TUBA4A: variants seen among roughly 807,000 people sequenced by gnomAD.
TUBA4A encodes the protein tubulin alpha-4A chain.
Under a neutral mutation model 34.3 loss-of-function variants are expected in TUBA4A, and 23 were observed. The ratio of observed to expected loss-of-function variants is 0.67; its 90% CI spans 0.48 to 0.95. The LOEUF (loss-of-function observed/expected upper bound fraction) is 0.95. Ranked by LOEUF, TUBA4A falls within the 40% of genes least tolerant of loss-of-function variation. The pLI, the probability that TUBA4A is intolerant of heterozygous loss-of-function variation, is 0.00. For missense variants in TUBA4A, 279 were observed against 599.0 expected (o/e 0.47, Z 5.58); for synonymous variants, 216 against 230.5 (o/e 0.94, Z 0.57).
At chr2:219,253,773 C>T (rs1333183857) in intron 1 of TUBA4A, 83 bp downstream of exon 1, 1 of 1,490,360 alleles carries the variant, frequency 6.7e-7, no homozygotes, top group Non-Finnish European at 9.0e-7. Flanking sequence ...CGGTGGAGGT[C>T]CCCGAGCATG....
upstream of TUBA4A, chr2:219,254,532 C>T (rs1188660998): frequency 4.6e-5 from 7 of 152,322 alleles, no homozygotes; most frequent in East Asian, 5.8e-4. Context: ...AGTCGAGCCC[C>T]GCAGCCTGTC....
At position 219,250,400 on chromosome 2, in the gene TUBA4A, C is replaced by T. The variant is rs2125068898; in HGVS notation, c.1299G>A (p.Glu433=). 1.2e-6 allele frequency: 2 copies of T among 1,614,188 alleles called. No individual in the cohort carries two copies. The part of the protein sequence containing the change: ...EDMAALEKDY[E]EVGIDSYEDE... ...CCTCATAGGAGTCGATGCCCACCTC[C>T]TCATAATCCTTCTCCAGGGCAGCCA... The change falls in exon 4 of 4, where the codon GAG becomes GAA. Residue 433 remains glutamate, a synonymous_variant. Coordinates refer to ENST00000248437, the MANE Select transcript of TUBA4A (RefSeq NM_006000.3). The surrounding 1 kb of genome is among the most constrained non-coding windows in gnomAD (Gnocchi z 8.4).
At chr2:219,253,517 C>T in intron 1 of TUBA4A, 1 of 1,051,570 alleles carries the variant, frequency 9.5e-7, no homozygotes, top group South Asian at 1.4e-5. Flanking sequence ...AACCCGTCTT[C>T]TTTTGCCCGC....
chr2:219,250,699 C>T lies in TUBA4A; in HGVS notation c.1000G>A (p.Ala334Thr), dbSNP rs750792560. 1.3e-5 allele frequency: 21 copies of T among 1,614,200 alleles called. No individual in the cohort carries two copies. The highest frequency in any genetic ancestry group is 3.3e-5 in the Admixed American group (2 of 60,024). ...TGAATGCTGCGCTTGGTCTTGATGG[C>T]GGCAATGGCAGCGTTGACATCCTTG... ...VPKDVNAAIA[A>T]IKTKRSIQFV... The change falls in exon 4 of 4, where the codon GCC becomes ACC. Residue 334 changes from alanine (A) to threonine (T), a missense_variant. By Grantham distance (58) the Ala-to-Thr change is moderately conservative. This residue lies in a region of TUBA4A where 108 missense variants were observed against 299.9 expected (regional missense o/e 0.36). Coordinates refer to ENST00000248437, the MANE Select transcript of TUBA4A (RefSeq NM_006000.3). This position sits in a 1 kb window ranked among gnomAD's most constrained non-coding sequence, Gnocchi z 8.4.
At position 219,252,244 on chromosome 2, in the gene TUBA4A, A is replaced by G. The variant is rs778862061; in HGVS notation, c.4-14T>C. 53 of 1,607,442 alleles carry G rather than the reference A, an allele frequency of 3.3e-5. No individual in the cohort carries two copies. The Middle Eastern group carries it at 5.0e-4, about 15-fold the overall frequency. On this transcript the variant is annotated splice_polypyrimidine_tract_variant and intron_variant, in intron 1 of 3. Coordinates refer to ENST00000248437, the MANE Select transcript of TUBA4A (RefSeq NM_006000.3). The surrounding 1 kb of genome is among the most constrained non-coding windows in gnomAD (Gnocchi z 4.1). ...GATGCATTCACGCTGAGGGATAGAG[A>G]GAGGGGACACAGCATGAGCCCCACA...
Position 219,250,584 on chromosome 2 carries a change from T to C in TUBA4A, c.1115A>G (p.Gln372Arg), listed in dbSNP as rs897318648. Residue 372 changes from glutamine (Q) to arginine (R), a missense_variant, in exon 4 of 4, where the codon CAG (glutamine) becomes CGG (arginine). Gln to Arg is a conservative substitution (Grantham distance 43). This residue lies in a region of TUBA4A where 73 missense variants were observed against 128.0 expected (regional missense o/e 0.57). Transcript: ENST00000248437. This position sits in a 1 kb window ranked among gnomAD's most constrained non-coding sequence, Gnocchi z 8.4. Reference sequence around the variant, plus strand: ...GTTGCTCAGCATGCACACGGCACGCTGCACCTTGGCCAGGTCACCCCCAGG... The same window carrying C: ...GTTGCTCAGCATGCACACGGCACGCCGCACCTTGGCCAGGTCACCCCCAGG... ...VVPGGDLAKV[Q>R]RAVCMLSNTT... 1.9e-6 allele frequency: 3 copies of C among 1,614,248 alleles called. No individual in the cohort carries two copies. The highest frequency in any genetic ancestry group is 2.5e-6 in the Non-Finnish European group (3 of 1,180,044).
Position 219,252,453 on chromosome 2 carries a change from C to A in TUBA4A, c.4-223G>T, listed in dbSNP as rs954878024. Among the ~76,000 whole-genome samples, 20 of 152,256 alleles carry A rather than the reference C, an allele frequency of 1.3e-4. No individual in the cohort carries two copies. The highest frequency in any genetic ancestry group is 4.8e-4 in the African/African-American group (20 of 41,524). On this transcript the variant is annotated intron_variant, in intron 1 of 3. Coordinates refer to ENST00000248437, the MANE Select transcript of TUBA4A (RefSeq NM_006000.3). The surrounding 1 kb of genome is among the most constrained non-coding windows in gnomAD (Gnocchi z 4.1). ...CCAGCAATGCAGGCCAACCTCTTAG[C>A]CCACTTCTCAGTGGGGAATCTGTCA...
At chr2:219,253,311 G>C (rs1363718299) in intron 1 of TUBA4A, 9 of 1,523,236 alleles carry the variant, frequency 5.9e-6, no homozygotes, top group Non-Finnish European at 7.9e-6. Context: ...GCCGAACCCC[G>C]TTCCCACCAA....
chr2:219,253,878 T>C lies in TUBA4A; in HGVS notation c.-20A>G. On this transcript the variant is annotated 5_prime_UTR_variant, in exon 1 of 4. Transcript: ENST00000248437. ...CACCATGGTGAGTCCGGGCGGTGCG[T>C]CTCACGTTGAGTCGGGGTGACAGGT... 1 of 1,441,734 alleles carries C rather than the reference T, an allele frequency of 6.9e-7. No homozygotes were observed. The highest frequency in any genetic ancestry group is 1.5e-5 in the African/African-American group (1 of 68,558). 89.3% of individuals were successfully genotyped at this position (1,441,734 alleles called of 1,614,324 possible). A position where few individuals can be genotyped will look rare whatever the true frequency, so the allele number is the denominator to read the frequency against.
rs1951683168 is a variant in TUBA4A, at chr2:219,253,489, GA to G, written c.3+366del. The stretch of plus-strand genomic sequence containing the variant: ...TCAGTGCTGAGGACCAGGGACTGGG[GA>G]TGTAAGAGGGCAGCCAAACCCGTCT... On this transcript the variant is annotated intron_variant, in intron 1 of 3. Coordinates refer to ENST00000248437, the MANE Select transcript of TUBA4A (RefSeq NM_006000.3). 2.7e-5 allele frequency: 34 copies of G among 1,262,018 alleles called. No homozygotes were observed. In the South Asian group the frequency reaches 4.0e-4, roughly 15 times the overall value. 78.2% of individuals were successfully genotyped at this position (1,262,018 alleles called of 1,614,324 possible).
At position 219,252,375 on chromosome 2, in the gene TUBA4A, A is replaced by G; in HGVS notation, c.4-145T>C. ...GTTGGGGCTGGGCAGAGGTGAGAAG[A>G]GAGTAGCAGCCTGCCCGGGCTCCCA... On this transcript the variant is annotated intron_variant, in intron 1 of 3. Coordinates refer to ENST00000248437, the MANE Select transcript of TUBA4A (RefSeq NM_006000.3). This position sits in a 1 kb window ranked among gnomAD's most constrained non-coding sequence, Gnocchi z 4.1. The G allele has an allele frequency of 1.2e-6, 1 of 818,668 alleles. No homozygotes were observed. Among genetic ancestry groups the G allele is most frequent in the Non-Finnish European group, 1.9e-6 (1 of 526,132 alleles). The allele number at this position is 818,668 out of a possible 1,614,324, so 50.7% of individuals were successfully genotyped here. A position where few individuals can be genotyped will look rare whatever the true frequency, so the allele number is the denominator to read the frequency against.
intron 1 of TUBA4A, chr2:219,253,537 G>T: frequency 1.1e-6 from 1 of 890,792 alleles, no homozygotes; most frequent in East Asian, 2.6e-5. Context: ...CGGAAAGGAC[G>T]GGGCGCGGGC....
At position 219,250,390 on chromosome 2, in the gene TUBA4A, T is replaced by G. The variant is rs753485163; in HGVS notation, c.1309A>C (p.Ile437Leu). The G allele has an allele frequency of 1.9e-6, 3 of 1,614,128 alleles. No homozygotes were observed. Among genetic ancestry groups the G allele is most frequent in the South Asian group, 1.1e-5 (1 of 91,080 alleles). The part of the protein sequence containing the change: ...ALEKDYEEVG[I>L]DSYEDEDEGE... ...TCATCCTCGTCCTCATAGGAGTCGA[T>G]GCCCACCTCCTCATAATCCTTCTCC... The change falls in exon 4 of 4, where the codon ATC becomes CTC. Residue 437 changes from isoleucine to leucine, a missense_variant. By Grantham distance (5) the Ile-to-Leu change is conservative. Around this residue, in one of 3 missense-constraint regions of TUBA4A, gnomAD observed 73 missense variants for 128.0 expected, o/e 0.57. Coordinates refer to ENST00000248437, the MANE Select transcript of TUBA4A (RefSeq NM_006000.3). The surrounding 1 kb of genome is among the most constrained non-coding windows in gnomAD (Gnocchi z 8.4).
At chr2:219,253,799 C>T (rs1034982991) in intron 1 of TUBA4A, 57 bp downstream of exon 1, 9 of 1,535,098 alleles carry the variant, frequency 5.9e-6, no homozygotes, top group Non-Finnish European at 7.0e-6. Context: ...AAGAAGTGTC[C>T]CCCAAAGGAG....
chr2:219,253,810 A>G (rs767864743), intron 1 of TUBA4A, 46 bp downstream of exon 1: 3 of 1,529,446 alleles, frequency 2.0e-6, no homozygotes, highest in Non-Finnish European at 2.6e-6. Context: ...CCCAAAGGAG[A>G]GGGGCAATTA....
At position 219,250,412 on chromosome 2, in the gene TUBA4A, C is replaced by G. The variant is rs201092237; in HGVS notation, c.1287G>C (p.Glu429Asp). ...CGATGCCCACCTCCTCATAATCCTTCTCCAGGGCAGCCATATCCTCACGGG... is the reference window on the plus strand; with the variant it reads ...CGATGCCCACCTCCTCATAATCCTTGTCCAGGGCAGCCATATCCTCACGGG... ...SEAREDMAAL[E>D]KDYEEVGIDS... The change falls in exon 4 of 4, where the codon GAG becomes GAC. Residue 429 changes from glutamate to aspartate, a missense_variant. Transcript: ENST00000248437. This position sits in a 1 kb window ranked among gnomAD's most constrained non-coding sequence, Gnocchi z 8.4. The G allele has an allele frequency of 6.2e-7, 1 of 1,614,210 alleles. No homozygotes were observed. Among genetic ancestry groups the G allele is most frequent in the East Asian group, 2.2e-5 (1 of 44,888 alleles).
chr2:219,253,444 A>T, intron 1 of TUBA4A: 1 of 1,483,776 alleles, frequency 6.7e-7, no homozygotes, highest in Non-Finnish European at 9.1e-7. Flanking sequence ...TCCACCTTCT[A>T]GCGCCAAGCA....
chr2:219,254,223 C>CACCTGCGTCCT, upstream of TUBA4A: 1 of 223,860 alleles, frequency 4.5e-6, no homozygotes, highest in Non-Finnish European at 8.8e-6. Context: ...GTCTCACCTG[C>CACCTGCGTCCT]ACCTGCGTCC....
upstream of TUBA4A, chr2:219,253,920 C>T: frequency 1.5e-6 from 2 of 1,346,406 alleles, no homozygotes; most frequent in Non-Finnish European, 1.9e-6. Context: ...GAGAACTGCG[C>T]TAGCTGCAGT....
Sources: gnomAD v4.1 joint callset for allele counts (sites outside exome capture counted in the v4.1 genomes callset) on GRCh38, gnomAD v4.1.1 for gene constraint, gnomAD v4.1.1 regional missense constraint, Gnocchi (gnomAD v3.1) non-coding constraint, MANE v1.5 for transcripts, NCBI Gene and HGNC (gene_info 2026-07-23, HGNC 2026-07-21) for gene names.